Variants in MARS1 observed in about 807,000 individuals in gnomAD.
MARS1 encodes the protein methionine--tRNA ligase, cytoplasmic.
A neutral mutation model predicts 119.5 loss-of-function variants in MARS1; 80 were observed. The observed-to-expected ratio is 0.67, with a 90% CI of 0.56 to 0.81. The LOEUF (loss-of-function observed/expected upper bound fraction) is 0.81, where lower values mean the gene tolerates loss of function less well. Ranked by LOEUF, MARS1 falls within the 30% of genes least tolerant of loss-of-function variation. The pLI is 0.00. For synonymous variants in MARS1, 418 were observed against 433.4 expected (o/e 0.96, Z 0.44); for missense variants, 945 against 1,116.5 (o/e 0.85, Z 2.19).
In MARS1 at chr12:57,512,839, T is replaced by G. The variant is rs553797439; in HGVS notation, c.1842T>G (p.Ala614=). ...GDMAQDTGIP[A]DIWRFYLLYI... ...TGGCCCAGGACACGGGGATCCCTGC[T>G]GACATCTGGCGCTTCTATCTGCTGT... The change falls in exon 15 of 21, where the codon GCT becomes GCG. Residue 614 remains alanine, a synonymous_variant. Coordinates refer to ENST00000262027, the MANE Select transcript of MARS1 (RefSeq NM_004990.4). The G allele has an allele frequency of 1.2e-6, 2 of 1,614,256 alleles. No homozygotes were observed. The highest frequency in any genetic ancestry group is 2.7e-5 in the African/African-American group (2 of 75,070).
intron 7 of MARS1, among the ~76,000 whole-genome samples, chr12:57,492,669 T>TCTCACACACACA (rs1217908969): frequency 1.1e-3 from 156 of 139,540 alleles, no homozygotes; most frequent in African/African-American, 4.0e-3. Flanking sequence ...CGACTCCATT[T>TCTCACACACACA]CACACACACA....
In MARS1 at chr12:57,498,549, C is replaced by T. The variant is rs1876757032; in HGVS notation, c.1017C>T (p.Ile339=). The change falls in exon 9 of 21, where the codon ATC becomes ATT. Residue 339 remains isoleucine, a synonymous_variant. Coordinates refer to ENST00000262027, the MANE Select transcript of MARS1 (RefSeq NM_004990.4). The part of the protein sequence containing the change: ...PQEICDKYHI[I]HADIYRWFNI... ...AGATCTGCGACAAGTACCACATCAT[C>T]CATGCTGACATCTACCGCTGGTTTA... 6.2e-7 allele frequency: 1 copy of T among 1,614,104 alleles called. No homozygotes were observed. The highest frequency in any genetic ancestry group is 1.7e-5 in the Admixed American group (1 of 59,988).
chr12:57,498,527 T>C lies in MARS1; in HGVS notation c.995T>C (p.Ile332Thr), dbSNP rs1476050845. 6 of 1,614,228 alleles carry C rather than the reference T, an allele frequency of 3.7e-6. No homozygotes were observed. Among genetic ancestry groups the C allele is most frequent in the Non-Finnish European group, 5.1e-6 (6 of 1,180,046 alleles). ...GAGGAGGGACTAACCCCCCAGGAGATCTGCGACAAGTACCACATCATCCAT... is the reference window on the plus strand; with the variant it reads ...GAGGAGGGACTAACCCCCCAGGAGACCTGCGACAAGTACCACATCATCCAT... ...ALEEGLTPQE[I>T]CDKYHIIHAD... The change falls in exon 9 of 21, where the codon ATC (isoleucine) becomes ACC (threonine). Residue 332 changes from isoleucine to threonine, a missense_variant. By Grantham distance (89) the Ile-to-Thr change is moderately conservative (BLOSUM62 -1). Coordinates refer to ENST00000262027, the MANE Select transcript of MARS1 (RefSeq NM_004990.4).
intron 7 of MARS1, 63 bp from the exon 8 acceptor site, chr12:57,498,094 C>T: frequency 1.9e-6 from 2 of 1,039,016 alleles, no homozygotes; most frequent in Non-Finnish European, 3.0e-6. Flanking sequence ...GTTCTGTGCA[C>T]TTTTCGTCCC....
In MARS1 at chr12:57,490,219, C is replaced by A. The variant is rs766541094; in HGVS notation, c.503C>A (p.Ala168Asp). 8.1e-6 allele frequency: 13 copies of A among 1,613,400 alleles called. No homozygotes were observed. In the South Asian group the frequency reaches 1.2e-4, roughly 15 times the overall value. The change falls in exon 6 of 21, where the codon GCC becomes GAC. Residue 168 changes from alanine (A) to aspartate (D), a missense_variant. Ala to Asp is a moderately radical substitution (Grantham distance 126, BLOSUM62 -2). Transcript: ENST00000262027. ...TCCATACCCACAGAGGAGCTGAGTGCCCTGCACAGCTGGTTCCAGACACTG... is the reference window on the plus strand; with the variant it reads ...TCCATACCCACAGAGGAGCTGAGTGACCTGCACAGCTGGTTCCAGACACTG... Reference protein sequence around the residue: ...DPAYLPEELSALHSWFQTLST... With the variant: ...DPAYLPEELSDLHSWFQTLST...
rs191060037 is a variant in MARS1 at position 57,489,208 on chromosome 12, G to T, written c.201-59G>T. ...TGCAGCCATTGTTTCCCTGTGTGAT[G>T]AGAAATGGGCTAAATGGGCCCCTCT... On this transcript the variant is annotated intron_variant, in intron 2 of 20. Transcript: ENST00000262027. The T allele has an allele frequency of 6.2e-6, 10 of 1,603,548 alleles. No homozygotes were observed. The African/African-American group carries it at 9.4e-5, about 15-fold the overall frequency.
rs1008912330 is a variant in MARS1, at chr12:57,516,529, C to G, written c.2651C>G (p.Ala884Gly). The G allele has an allele frequency of 1.2e-6, 2 of 1,611,774 alleles. No homozygotes were observed. The highest frequency in any genetic ancestry group is 2.7e-5 in the African/African-American group (2 of 74,722). The change falls in exon 21 of 21, where the codon GCT becomes GGT. Residue 884 changes from alanine (A) to glycine (G), a missense_variant. Ala to Gly is a moderately conservative substitution (Grantham distance 60). Coordinates refer to ENST00000262027, the MANE Select transcript of MARS1 (RefSeq NM_004990.4). ...AKLLDLKKQL[A>G]VAEGKPPEAP... The stretch of plus-strand genomic sequence containing the variant: ...CTCTTGGATCTAAAGAAACAGTTGG[C>G]TGTAGCTGAGGGGAAACCCCCTGAA...
intron 4 of MARS1, 129 bp downstream of exon 4, chr12:57,489,687 ATC>A: frequency 1.5e-6 from 2 of 1,331,202 alleles, no homozygotes; most frequent in South Asian, 1.3e-5. Flanking sequence ...AAATCACTTA[ATC>A]TCTCTAATCC....
Position 57,490,520 on chromosome 12 carries a change from T to A in MARS1, c.664-18T>A. The A allele has an allele frequency of 6.2e-7, 1 of 1,612,940 alleles. No individual in the cohort carries two copies. Among genetic ancestry groups the A allele is most frequent in the Non-Finnish European group, 8.5e-7 (1 of 1,178,914 alleles). On this transcript the variant is annotated intron_variant, in intron 6 of 20. Transcript: ENST00000262027. ...GGGCCCTCCTCACCTGGTAAGGGAT[T>A]CTCTCCACTCTTTATAGGAGGAGGA... is the stretch of plus-strand genomic sequence containing the variant.
chr12:57,496,799 T>C (rs945448873), intron 7 of MARS1, among the ~76,000 whole-genome samples: 1 of 148,792 alleles, frequency 6.7e-6, no homozygotes, highest in Non-Finnish European at 1.5e-5. Context: ...AAAAGGGAGA[T>C]AACCTTTCTC....
chr12:57,505,440 G>C (rs2140025436), intron 11 of MARS1, among the ~76,000 whole-genome samples: 1 of 152,226 alleles, frequency 6.6e-6, no homozygotes. Flanking sequence ...GGGATTACAG[G>C]TGTGAGCCAC....
chr12:57,508,699 A>AGGGAGAGGGTAGAG (rs1555167936), intron 11 of MARS1, among the ~76,000 whole-genome samples: 1 of 145,656 alleles, frequency 6.9e-6, no homozygotes, highest in African/African-American at 2.6e-5. Context: ...GTAGAGGTAG[A>AGGGAGAGGGTAGAG]GGTAGAGGGT....
At chr12:57,501,411 T>C (rs1876909152) in intron 10 of MARS1, among the ~76,000 whole-genome samples, 1 of 152,340 alleles carries the variant, frequency 6.6e-6, no homozygotes, top group Non-Finnish European at 1.5e-5. Context: ...GGGCTGGGCA[T>C]TGGTGGCTCA....
chr12:57,489,563 G>C lies in MARS1; in HGVS notation c.414+5G>C. 6.2e-7 allele frequency: 1 copy of C among 1,614,104 alleles called. No homozygotes were observed. The highest frequency in any genetic ancestry group is 8.5e-7 in the Non-Finnish European group (1 of 1,180,042). ...AACTGTCCTTTCCTGGCTGGGGTGA[G>C]TTGGGTCTTGAGATGAGGACTGGGG... On this transcript the variant is annotated splice_donor_5th_base_variant and intron_variant, in intron 4 of 20. Coordinates refer to ENST00000262027, the MANE Select transcript of MARS1 (RefSeq NM_004990.4).
chr12:57,504,694 G>GTT (rs1877095782), intron 11 of MARS1, among the ~76,000 whole-genome samples: 1 of 83,784 alleles, frequency 1.2e-5, no homozygotes, highest in African/African-American at 4.2e-5. Flanking sequence ...ATGCCTGACT[G>GTT]ATTTTTTTTT....
At chr12:57,497,896 A>G (rs1876710842) in intron 7 of MARS1, among the ~76,000 whole-genome samples, 1 of 152,036 alleles carries the variant, frequency 6.6e-6, no homozygotes, top group African/African-American at 2.4e-5. Flanking sequence ...AGTAAAAGGG[A>G]CAGAAATTGG....
chr12:57,507,278 G>A (rs1217048453), intron 11 of MARS1, among the ~76,000 whole-genome samples: 1 of 149,662 alleles, frequency 6.7e-6, no homozygotes, highest in Non-Finnish European at 1.5e-5. Flanking sequence ...GCAACCATCC[G>A]ATTTCTCAAT....
chr12:57,493,776 T>TATATATTATATATCATA (rs1876344526), intron 7 of MARS1, among the ~76,000 whole-genome samples: 1 of 700 alleles, frequency 1.4e-3, no homozygotes, highest in African/African-American at 2.8e-3. Context: ...TTATATATAA[T>TATATATTATATATCATA]ATATATTATA....
At chr12:57,493,965 T>C (rs1242796909) in intron 7 of MARS1, among the ~76,000 whole-genome samples, 1 of 112,626 alleles carries the variant, frequency 8.9e-6, no homozygotes, top group African/African-American at 3.4e-5. Context: ...AATTTTAATT[T>C]TTTTTTTTTA....
Sources: allele counts gnomAD v4.1 joint callset (sites outside exome capture counted in the v4.1 genomes callset), GRCh38; gene constraint gnomAD v4.1.1; transcripts MANE v1.5; gene names NCBI Gene and HGNC (gene_info 2026-07-23, HGNC 2026-07-21).